The following ROBO1 variants were observed in gnomAD, a reference collection of about 807,000 sequenced individuals.
ROBO1 encodes roundabout guidance receptor 1.
ROBO1 carries 149 observed loss-of-function variants against 195.9 expected under a neutral mutation model. The ratio of observed to expected loss-of-function variants is 0.76; its 90% CI spans 0.67 to 0.87. The LOEUF is 0.87. Ranked by LOEUF, ROBO1 falls within the 40% of genes least tolerant of loss-of-function variation. The probability of loss-of-function intolerance (pLI) is 0.00; values close to 1 mark genes in which losing one functional copy is unlikely to be tolerated. For synonymous variants in ROBO1, 816 were observed against 733.2 expected (o/e 1.11, Z -1.82); for missense variants, 1,933 against 2,068.3 (o/e 0.93, Z 1.27).
chr3:79,535,927 A>G (rs935149590), intron 2 of ROBO1, among the ~76,000 whole-genome samples: 3 of 151,980 alleles, frequency 2.0e-5, no homozygotes, highest in Admixed American at 2.0e-4. Context: ...GTATGCATTT[A>G]TTGCACATGC....
At chr3:79,623,191 T>C (rs1945063833) in intron 1 of ROBO1, among the ~76,000 whole-genome samples, 1 of 152,070 alleles carries the variant, frequency 6.6e-6, no homozygotes, top group African/African-American at 2.4e-5. Flanking sequence ...TCCATCCAAG[T>C]GTCAGCAGCC....
chr3:79,362,473 T>G (rs1302403063), intron 2 of ROBO1, among the ~76,000 whole-genome samples: 1 of 152,162 alleles, frequency 6.6e-6, no homozygotes, highest in Non-Finnish European at 1.5e-5. Flanking sequence ...GGACCTATAA[T>G]TTCTCCCACT....
chr3:79,536,561 G>A (rs1941871796), intron 2 of ROBO1, among the ~76,000 whole-genome samples: 1 of 152,114 alleles, frequency 6.6e-6, no homozygotes, highest in African/African-American at 2.4e-5. Flanking sequence ...GCACACAGAT[G>A]TTTAGAAGAA....
At chr3:78,663,976 CCT>C (rs1266082953) in intron 14 of ROBO1, among the ~76,000 whole-genome samples, 1 of 152,150 alleles carries the variant, frequency 6.6e-6, no homozygotes, top group African/African-American at 2.4e-5. Context: ...ATCCCAAATT[CCT>C]CTGATTTGAG....
At position 78,711,350 on chromosome 3, in the gene ROBO1, CCTT is replaced by C. The variant is rs1559772756; in HGVS notation, c.1045+3044_1045+3046del. ...CTCCTTCCTTCCTTCCTTCCTTCCT[CCTT>C]CCTTCCTTCCTTCCTTCCTTCCTTC... is the stretch of plus-strand genomic sequence containing the variant. On this transcript the variant is annotated intron_variant, in intron 8 of 30. Transcript: ENST00000464233. Among the ~76,000 whole-genome samples, 184 of 46,848 alleles carry C rather than the reference CCTT, an allele frequency of 3.9e-3. 3 individuals are homozygous for C. The highest frequency in any genetic ancestry group is 9.6e-3 in the Middle Eastern group (1 of 104). 30.7% of individuals were successfully genotyped at this position (46,848 alleles called of 152,430 possible).
intron 2 of ROBO1, among the ~76,000 whole-genome samples, chr3:79,289,867 T>C (rs977607090): frequency 6.6e-6 from 1 of 152,036 alleles, no homozygotes; most frequent in African/African-American, 2.4e-5. Context: ...CTATGTCACA[T>C]AGGCTGAGAT....
intron 4 of ROBO1, among the ~76,000 whole-genome samples, chr3:78,928,368 A>G (rs918147953): frequency 1.3e-5 from 2 of 152,188 alleles, no homozygotes; most frequent in African/African-American, 4.8e-5. Context: ...TTTAAGAATT[A>G]TTACCAACAT....
intron 4 of ROBO1, among the ~76,000 whole-genome samples, chr3:78,932,811 G>A (rs1057166916): frequency 3.3e-5 from 5 of 152,138 alleles, no homozygotes; most frequent in African/African-American, 1.2e-4. Context: ...GATTGCAAAT[G>A]CATGTATGTA....
intron 2 of ROBO1, among the ~76,000 whole-genome samples, chr3:79,465,682 C>T (rs1937919489): frequency 6.6e-6 from 1 of 151,960 alleles, no homozygotes; most frequent in African/African-American, 2.4e-5. Flanking sequence ...AAGTAGTTTG[C>T]CCATTGCAAT....
At chr3:78,958,577 T>C (rs2041162610) in intron 3 of ROBO1, among the ~76,000 whole-genome samples, 1 of 152,126 alleles carries the variant, frequency 6.6e-6, no homozygotes, top group South Asian at 2.1e-4. Flanking sequence ...GGAGTATCTC[T>C]TTTTCTGAAC....
At chr3:79,469,200 A>C (rs755066639) in intron 2 of ROBO1, among the ~76,000 whole-genome samples, 1 of 152,164 alleles carries the variant, frequency 6.6e-6, no homozygotes, top group African/African-American at 2.4e-5. Context: ...AGAAAGACTA[A>C]AGAGTGAGTA....
intron 22 of ROBO1, among the ~76,000 whole-genome samples, chr3:78,638,281 T>A (rs1002433756): frequency 1.4e-5 from 2 of 147,188 alleles, no homozygotes; most frequent in African/African-American, 4.9e-5. Flanking sequence ...ATATATATAC[T>A]TACATATAGG....
intron 2 of ROBO1, among the ~76,000 whole-genome samples, chr3:79,512,474 G>T (rs1045056160): frequency 6.6e-6 from 1 of 152,060 alleles, no homozygotes; most frequent in Admixed American, 6.6e-5. Flanking sequence ...CTGCGAACTC[G>T]TTACGTGCTG....
At chr3:79,146,305 G>A (rs2080647830) in intron 2 of ROBO1, among the ~76,000 whole-genome samples, 1 of 151,806 alleles carries the variant, frequency 6.6e-6, no homozygotes, top group African/African-American at 2.4e-5. Flanking sequence ...AGGGAATAAA[G>A]ATGTAGAAGA....
chr3:79,497,393 G>T (rs922380048), intron 2 of ROBO1, among the ~76,000 whole-genome samples: 1 of 151,944 alleles, frequency 6.6e-6, no homozygotes, highest in African/African-American at 2.4e-5. Context: ...GAAATTATTT[G>T]ATTTAAAAAC....
intron 2 of ROBO1, among the ~76,000 whole-genome samples, chr3:79,399,537 T>C (rs985132231): frequency 1.3e-5 from 2 of 152,174 alleles, no homozygotes; most frequent in African/African-American, 2.4e-5. Flanking sequence ...GTTCAATGGA[T>C]ACATATATAC....
chr3:79,009,869 C>T (rs1559587318), intron 3 of ROBO1, among the ~76,000 whole-genome samples: 1 of 152,220 alleles, frequency 6.6e-6, no homozygotes, highest in East Asian at 1.9e-4. Flanking sequence ...AGTTGGATAA[C>T]AGTGATTCTA....
At chr3:78,888,588 T>G (rs2107340467) in intron 4 of ROBO1, among the ~76,000 whole-genome samples, 2 of 152,340 alleles carry the variant, frequency 1.3e-5, no homozygotes, top group East Asian at 3.9e-4. Flanking sequence ...TTAAAATGAA[T>G]ATCGTCAGCA....
At chr3:78,887,335 T>C (rs1053324377) in intron 4 of ROBO1, among the ~76,000 whole-genome samples, 1 of 152,204 alleles carries the variant, frequency 6.6e-6, no homozygotes. Flanking sequence ...AATCCATTAC[T>C]AGCCTTGAGT....
Sources: allele counts gnomAD v4.1 joint callset (sites outside exome capture counted in the v4.1 genomes callset), GRCh38; gene constraint gnomAD v4.1.1; transcripts MANE v1.5; gene names NCBI Gene and HGNC (gene_info 2026-07-23, HGNC 2026-07-21).